Variants in OTUD7B observed in about 807,000 individuals in gnomAD.
OTUD7B encodes the protein OTU domain-containing protein 7B.
A neutral mutation model predicts 82.2 loss-of-function variants in OTUD7B; 34 were observed. That is an observed-to-expected ratio of 0.41 (90% CI 0.31 to 0.55). The LOEUF (loss-of-function observed/expected upper bound fraction) is 0.55, where lower values mean the gene tolerates loss of function less well. Among genes scored for constraint, OTUD7B ranks in the 20% least tolerant of loss-of-function variants. The probability of loss-of-function intolerance (pLI) is 0.20; values close to 1 mark genes in which losing one functional copy is unlikely to be tolerated. For missense variants in OTUD7B, 944 were observed against 1,062.1 expected (o/e 0.89, Z 1.55); for synonymous variants, 398 against 402.7 (o/e 0.99, Z 0.14).
rs782314653 is a variant in OTUD7B, at chr1:149,944,942, G to A, written c.1447C>T (p.Arg483Trp). 6.8e-6 allele frequency: 11 copies of A among 1,614,054 alleles called. No homozygotes were observed. The highest frequency in any genetic ancestry group is 8.5e-6 in the Non-Finnish European group (10 of 1,180,012). ...GSSSTSNEGG[R>W]RKEKSKRDRE... Reference sequence around the variant, plus strand: ...TCTCGCTTTGACTTCTCCTTCCGCCGGCCGCCCTCGTTGCTGGTGGAACTG... The same window carrying A: ...TCTCGCTTTGACTTCTCCTTCCGCCAGCCGCCCTCGTTGCTGGTGGAACTG... Residue 483 changes from arginine (R) to tryptophan (W), a missense_variant, in exon 12 of 12, where the codon CGG (arginine) becomes TGG (tryptophan). Arg to Trp is a moderately radical substitution (Grantham distance 101). This residue lies in a region of OTUD7B where 530 missense variants were observed against 625.6 expected (regional missense o/e 0.85). Coordinates refer to ENST00000581312, the MANE Select transcript of OTUD7B (RefSeq NM_020205.4).
At chr1:150,014,566 C>G (rs1553788135), upstream of OTUD7B, among the ~76,000 whole-genome samples, 1 of 152,016 alleles carries the variant, frequency 6.6e-6, no homozygotes, top group Non-Finnish European at 1.5e-5. Flanking sequence ...CATAATAGCT[C>G]CAAACTAGAA....
intron 6 of OTUD7B, chr1:149,962,551 TGGAAAGGCTGACTTTGAGAG>T (rs1649230045): frequency 6.6e-6 from 1 of 152,238 alleles, no homozygotes; most frequent in African/African-American, 2.4e-5. Flanking sequence ...GACTTTCAGA[TGGAAAGGCTGACTTTGAGAG>T]GGAAAGGCTG....
At chr1:150,039,903 G>A in the OTUD7B span, among the ~76,000 whole-genome samples, 1 of 151,986 alleles carries the variant, frequency 6.6e-6, no homozygotes, top group Non-Finnish European at 1.5e-5. Flanking sequence ...TGCTTCATTG[G>A]TTGTCTTAGA....
chr1:150,037,246 C>A, the OTUD7B span, among the ~76,000 whole-genome samples: 15,981 of 41,252 alleles, frequency 0.39, 1,193 homozygotes, highest in Non-Finnish European at 0.43. Flanking sequence ...CACAAAATAC[C>A]CTCTTTTTTT....
the OTUD7B span, among the ~76,000 whole-genome samples, chr1:150,042,104 A>ACCCCCCCCCCCCCCCCCCCCCCC: frequency 1.8e-5 from 1 of 55,890 alleles, no homozygotes. Flanking sequence ...AGAGGTGCAG[A>ACCCCCCCCCCCCCCCCCCCCCCC]CCCTCCCTCC....
At chr1:150,027,727 T>TAA in the OTUD7B span, among the ~76,000 whole-genome samples, 547 of 145,980 alleles carry the variant, frequency 3.7e-3, 4 homozygotes, top group African/African-American at 0.013. Flanking sequence ...GGATAACTGC[T>TAA]AAAAAAAAAA....
chr1:150,061,939 T>C, the OTUD7B span, among the ~76,000 whole-genome samples: 1 of 152,208 alleles, frequency 6.6e-6, no homozygotes, highest in South Asian at 2.1e-4. Context: ...TTCCCTAAGA[T>C]ATAAGCCCTG....
Position 149,944,269 on chromosome 1 carries a change from T to C in OTUD7B, c.2120A>G (p.His707Arg). 1.9e-6 allele frequency: 3 copies of C among 1,610,972 alleles called. No homozygotes were observed. Among genetic ancestry groups the C allele is most frequent in the South Asian group, 1.1e-5 (1 of 90,746 alleles). The stretch of plus-strand genomic sequence containing the variant: ...CAACTGCCTCCGGGGTTCCTGGCAG[T>C]GGACTCCGCCCCCAGACGGCCGAGG... ...TIPRPSGGGV[H>R]CQEPRRQLAG... is the part of the protein sequence containing the mutation. The change falls in exon 12 of 12, where the codon CAC (histidine) becomes CGC (arginine). Residue 707 changes from histidine to arginine, a missense_variant. His to Arg is a conservative substitution (Grantham distance 29). Coordinates refer to ENST00000581312, the MANE Select transcript of OTUD7B (RefSeq NM_020205.4).
At chr1:149,983,614 TC>T (rs1426202842) in intron 1 of OTUD7B, among the ~76,000 whole-genome samples, 5 of 151,828 alleles carry the variant, frequency 3.3e-5, no homozygotes, top group African/African-American at 1.2e-4. Flanking sequence ...GCGCTAAACT[TC>T]CGTGGCAGGA....
chr1:150,010,864 GC>G (rs1417476809), upstream of OTUD7B, among the ~76,000 whole-genome samples: 2 of 152,276 alleles, frequency 1.3e-5, no homozygotes, highest in East Asian at 3.9e-4. Flanking sequence ...CCAGGCTGCG[GC>G]CAGTTTGGCG....
At chr1:150,048,459 A>C in the OTUD7B span, 1 of 152,174 alleles carries the variant, frequency 6.6e-6, no homozygotes, top group Non-Finnish European at 1.5e-5. Context: ...TCATACCTGT[A>C]ATCCCAGAAC....
chr1:150,036,065 C>A, the OTUD7B span, among the ~76,000 whole-genome samples: 4 of 151,016 alleles, frequency 2.6e-5, no homozygotes, highest in African/African-American at 9.8e-5. Flanking sequence ...CGATCTTCCC[C>A]CCTCAGCCTT....
chr1:149,988,671 A>G (rs781999806), intron 1 of OTUD7B, among the ~76,000 whole-genome samples: 17 of 152,256 alleles, frequency 1.1e-4, no homozygotes, highest in Non-Finnish European at 2.4e-4. Flanking sequence ...TAGCTTAAAT[A>G]GAAACAAGAA....
the OTUD7B span, among the ~76,000 whole-genome samples, chr1:150,038,521 G>C: frequency 1.3e-5 from 2 of 151,788 alleles, no homozygotes; most frequent in African/African-American, 4.8e-5. Context: ...TGAGTAGCTG[G>C]AACCACAGGC....
At chr1:150,042,324 C>T in the OTUD7B span, among the ~76,000 whole-genome samples, 3 of 151,332 alleles carry the variant, frequency 2.0e-5, no homozygotes, top group Non-Finnish European at 2.9e-5. Context: ...AGGCGCCCAC[C>T]ACCACACCCA....
intron 1 of OTUD7B, among the ~76,000 whole-genome samples, chr1:150,010,111 T>A: frequency 6.6e-6 from 1 of 152,288 alleles, no homozygotes; most frequent in South Asian, 2.1e-4. Flanking sequence ...ATACACTGCA[T>A]CTTAATCACC....
intron 2 of OTUD7B, among the ~76,000 whole-genome samples, chr1:149,975,957 G>A (rs1650277694): frequency 6.6e-6 from 1 of 151,822 alleles, no homozygotes; most frequent in Non-Finnish European, 1.5e-5. Flanking sequence ...GGAGGCGGAG[G>A]TTGTGGTGAG....
chr1:149,994,603 A>AC (rs1386151205), intron 1 of OTUD7B, among the ~76,000 whole-genome samples: 1 of 146,126 alleles, frequency 6.8e-6, no homozygotes, highest in Admixed American at 7.1e-5. Context: ...AAAAAAAAAA[A>AC]AAACCCAATT....
chr1:150,009,455 C>T (rs76441219), intron 1 of OTUD7B, among the ~76,000 whole-genome samples: 2,810 of 152,182 alleles, frequency 0.018, 82 homozygotes, highest in African/African-American at 0.064. Context: ...GAAAAATTAG[C>T]AGCATGTGAA....
Sources: gnomAD v4.1 joint callset for allele counts (sites outside exome capture counted in the v4.1 genomes callset) on GRCh38, gnomAD v4.1.1 for gene constraint, gnomAD v4.1.1 regional missense constraint, MANE v1.5 for transcripts, NCBI Gene and HGNC (gene_info 2026-07-23, HGNC 2026-07-21) for gene names.